MAPK9: variants seen among roughly 807,000 people sequenced by gnomAD.
MAPK9 encodes mitogen-activated protein kinase 9.
Under a neutral mutation model 57.1 loss-of-function variants are expected in MAPK9, and 30 were observed. The ratio of observed to expected loss-of-function variants is 0.53; its 90% CI spans 0.39 to 0.71. The LOEUF (loss-of-function observed/expected upper bound fraction) is 0.71, where lower values mean the gene tolerates loss of function less well. MAPK9 is among the 30% of genes least tolerant of loss of function. The pLI, the probability that MAPK9 is intolerant of heterozygous loss-of-function variation, is 0.00. For synonymous variants in MAPK9, 155 were observed against 177.0 expected (o/e 0.88, Z 0.99); for missense variants, 362 against 521.0 (o/e 0.69, Z 2.97).
Position 180,280,479 on chromosome 5 carries a change from T to C in MAPK9, c.83A>G (p.Gln28Arg), listed in dbSNP as rs1762227663. ...STFTVLKRYQQLKPIGSGAQG... is the reference protein window; with the variant it reads ...STFTVLKRYQRLKPIGSGAQG... ...GGCCCCAGAGCCAATTGGTTTCAGCTGCTGGTAACGTTTTAGGACAGTGAA... is the reference window on the plus strand; with the variant it reads ...GGCCCCAGAGCCAATTGGTTTCAGCCGCTGGTAACGTTTTAGGACAGTGAA... The change falls in exon 2 of 12, where the codon CAG (glutamine) becomes CGG (arginine). Residue 28 changes from glutamine (Q) to arginine (R), a missense_variant. By Grantham distance (43) the Gln-to-Arg change is conservative (BLOSUM62 1). Transcript: ENST00000452135. 5 of 1,614,198 alleles carry C rather than the reference T, an allele frequency of 3.1e-6. No individual in the cohort carries two copies. Among genetic ancestry groups the C allele is most frequent in the Non-Finnish European group, 4.2e-6 (5 of 1,180,026 alleles).
At chr5:180,274,093 G>A (rs1013272484) in intron 2 of MAPK9, among the ~76,000 whole-genome samples, 3 of 152,040 alleles carry the variant, frequency 2.0e-5, no homozygotes, top group South Asian at 2.1e-4. Context: ...ATCCCACCAC[G>A]ATTTCAGTTT....
At position 180,236,058 on chromosome 5, in the gene MAPK9, C is replaced by A. The variant is rs1372452496; in HGVS notation, c.*326G>T. 5.6e-6 allele frequency: 1 copy of A among 178,556 alleles called. No homozygotes were observed. The highest frequency in any genetic ancestry group is 1.2e-5 in the Non-Finnish European group (1 of 85,254). The allele number at this position is 178,556 out of a possible 1,614,324, so 11.1% of individuals were successfully genotyped here. A position where few individuals can be genotyped will look rare whatever the true frequency, so the allele number is the denominator to read the frequency against. On this transcript the variant is annotated 3_prime_UTR_variant, in exon 12 of 12. Transcript: ENST00000452135. ...AAGTCCAAGCAAGCATTTGTGGTCA[C>A]ATGCACATACATCTCAACAGTTACA... is the stretch of plus-strand genomic sequence containing the variant.
At chr5:180,263,028 C>T (rs979037576) in intron 4 of MAPK9, 1 of 152,356 alleles carries the variant, frequency 6.6e-6, no homozygotes, top group African/African-American at 2.4e-5. Flanking sequence ...ATCTCCTGAA[C>T]TCCAGGCTCA....
chr5:180,238,668 G>GC (rs1757400356), intron 10 of MAPK9, among the ~76,000 whole-genome samples: 1 of 145,162 alleles, frequency 6.9e-6, no homozygotes, highest in African/African-American at 2.6e-5. Context: ...GAGTACAGTG[G>GC]CATGGTCTTG....
chr5:180,252,767 C>T lies in MAPK9; in HGVS notation c.451-3629G>A, dbSNP rs552507438. 4.6e-5 allele frequency among the ~76,000 whole-genome samples: 7 copies of T among 152,226 alleles called. No homozygotes were observed. In the East Asian group the frequency reaches 1.4e-3, roughly 29 times the overall value. On this transcript the variant is annotated intron_variant, in intron 5 of 11. Coordinates refer to ENST00000452135, the MANE Select transcript of MAPK9 (RefSeq NM_002752.5). ...ACGGCTCAGGAATGAAGGCCTGGGA[C>T]ACAGGCCAGGCAAGCCACAGAGGCC...
At chr5:180,262,468 C>T (rs1293558227) in intron 4 of MAPK9, among the ~76,000 whole-genome samples, 2 of 151,938 alleles carry the variant, frequency 1.3e-5, no homozygotes, top group African/African-American at 4.8e-5. Context: ...CACTCTGTCA[C>T]CCAGACTGGA....
rs1217851760 is a variant in MAPK9 at position 180,250,937 on chromosome 5, A to G, written c.451-1799T>C. ...CTCCGCTGTGAGGACCAAGTCAGGG[A>G]GCTAAGACCAAATGAACGAATTCGC... On this transcript the variant is annotated intron_variant, in intron 5 of 11. Coordinates refer to ENST00000452135, the MANE Select transcript of MAPK9 (RefSeq NM_002752.5). 8.5e-5 allele frequency among the ~76,000 whole-genome samples: 13 copies of G among 152,294 alleles called. No homozygotes were observed. In the East Asian group the frequency reaches 2.5e-3, roughly 29 times the overall value.
intron 1 of MAPK9, among the ~76,000 whole-genome samples, chr5:180,286,316 T>C (rs1762759186): frequency 6.7e-6 from 1 of 149,698 alleles, no homozygotes; most frequent in African/African-American, 2.4e-5. Context: ...CAGCTAATTT[T>C]TGTATTTTTA....
intron 5 of MAPK9, among the ~76,000 whole-genome samples, chr5:180,252,266 T>C (rs1758791461): frequency 6.6e-6 from 1 of 152,144 alleles, no homozygotes; most frequent in Non-Finnish European, 1.5e-5. Context: ...GTGTGGAGGA[T>C]GCATTTGCCC....
In MAPK9 at chr5:180,236,360, G is replaced by A. The variant is rs1757171576; in HGVS notation, c.*24C>T. The A allele has an allele frequency of 5.0e-6, 8 of 1,586,178 alleles. No individual in the cohort carries two copies. Among genetic ancestry groups the A allele is most frequent in the Non-Finnish European group, 6.9e-6 (8 of 1,159,772 alleles). On this transcript the variant is annotated 3_prime_UTR_variant, in exon 12 of 12. Coordinates refer to ENST00000452135, the MANE Select transcript of MAPK9 (RefSeq NM_002752.5). Reference sequence around the variant, plus strand: ...CGGAGGTGAGAGTTCCTTCAATGCTGACAGGTTTGCTATTTCTAACCTATC... The same window carrying A: ...CGGAGGTGAGAGTTCCTTCAATGCTAACAGGTTTGCTATTTCTAACCTATC...
At chr5:180,262,243 A>G (rs1760049736) in intron 4 of MAPK9, among the ~76,000 whole-genome samples, 1 of 152,070 alleles carries the variant, frequency 6.6e-6, no homozygotes, top group African/African-American at 2.4e-5. Flanking sequence ...CTCCCGCTCA[A>G]TTTTGCTGTG....
Position 180,269,358 on chromosome 5 carries a change from G to C in MAPK9, c.174C>G (p.Ser58Arg). 1 of 1,613,942 alleles carries C rather than the reference G, an allele frequency of 6.2e-7. No individual in the cohort carries two copies. The highest frequency in any genetic ancestry group is 8.5e-7 in the Non-Finnish European group (1 of 1,179,826). Residue 58 changes from serine (S) to arginine (R), a missense_variant, in exon 3 of 12, where the codon AGC (serine) becomes AGG (arginine). Ser to Arg is a moderately radical substitution (Grantham distance 110). Transcript: ENST00000452135. ...LGINVAVKKL[S>R]RPFQNQTHAK... The stretch of plus-strand genomic sequence containing the variant: ...CATGAGTTTGGTTCTGAAAAGGACG[G>C]CTTAGTTTCTTGACTGCAACATTTA...
At chr5:180,267,811 CAA>C (rs10714517) in intron 3 of MAPK9, among the ~76,000 whole-genome samples, 1 of 151,372 alleles carries the variant, frequency 6.6e-6, no homozygotes, top group Admixed American at 6.6e-5. Flanking sequence ...GACCCTGTCT[CAA>C]AAAAACAAAA....
At chr5:180,238,248 CG>C in intron 11 of MAPK9, 83 bp downstream of exon 11, 6 of 1,041,060 alleles carry the variant, frequency 5.8e-6, no homozygotes, top group Non-Finnish European at 8.7e-6. Context: ...CCAGCCTGGG[CG>C]ACAGAACGAA....
At chr5:180,241,690 G>C (rs1757673251) in intron 8 of MAPK9, among the ~76,000 whole-genome samples, 2 of 152,202 alleles carry the variant, frequency 1.3e-5, no homozygotes, top group Non-Finnish European at 2.9e-5. Context: ...GATCTGCAAG[G>C]GGAAGAGAAA....
intron 5 of MAPK9, among the ~76,000 whole-genome samples, chr5:180,255,688 C>T (rs1002687214): frequency 9.9e-5 from 15 of 152,146 alleles, no homozygotes; most frequent in Non-Finnish European, 2.1e-4. Context: ...GAGCCAAACA[C>T]CATCACATCC....
intron 2 of MAPK9, chr5:180,279,748 T>A: frequency 2.3e-6 from 1 of 429,928 alleles, no homozygotes; most frequent in Non-Finnish European, 4.8e-6. Flanking sequence ...GTAAAAAGTG[T>A]GGGAAGTGCT....
intron 5 of MAPK9, among the ~76,000 whole-genome samples, chr5:180,261,268 C>G (rs1206298491): frequency 1.3e-5 from 2 of 152,208 alleles, no homozygotes; most frequent in Non-Finnish European, 2.9e-5. Flanking sequence ...AGCTGTCTCA[C>G]TGACTACTTG....
intron 8 of MAPK9, 83 bp from the exon 9 acceptor site, chr5:180,241,238 CAGAT>C (rs1757627067): frequency 4.0e-6 from 5 of 1,265,752 alleles, no homozygotes; most frequent in Non-Finnish European, 5.4e-6. Flanking sequence ...TATGACAACA[CAGAT>C]AGAACAAAGA....
Sources: gnomAD v4.1 joint callset for allele counts (sites outside exome capture counted in the v4.1 genomes callset) on GRCh38, gnomAD v4.1.1 for gene constraint, MANE v1.5 for transcripts, NCBI Gene and HGNC (gene_info 2026-07-23, HGNC 2026-07-21) for gene names.